ASH1L: variants seen among roughly 807,000 people sequenced by gnomAD.
ASH1L encodes histone-lysine N-methyltransferase ASH1L.
In ASH1L, 23 loss-of-function variants were observed where a neutral mutation model predicts 269.0. The observed-to-expected ratio is 0.09, with a 90% CI of 0.06 to 0.12. ASH1L has a LOEUF of 0.12. Among genes scored for constraint, ASH1L ranks in the 10% least tolerant of loss-of-function variants. The pLI is 1.00. For synonymous variants in ASH1L, 1,187 were observed against 1,253.5 expected, an observed-to-expected ratio of 0.95 and a Z score of 1.12; for missense variants, 2,912 against 3,567.8, an observed-to-expected ratio of 0.82 and a Z score of 4.68.
At chr1:155,433,102 C>A in intron 5 of ASH1L, 1 of 1,349,002 alleles carries the variant, frequency 7.4e-7, no homozygotes, top group South Asian at 1.5e-5. Context: ...ACAGAGATAC[C>A]AAAATAGACT....
chr1:155,542,118 G>A (rs781363533), intron 1 of ASH1L, among the ~76,000 whole-genome samples: 4 of 152,080 alleles, frequency 2.6e-5, no homozygotes, highest in Non-Finnish European at 5.9e-5. Context: ...TGTTAAAAAA[G>A]AGGGGGAGGG....
intron 1 of ASH1L, among the ~76,000 whole-genome samples, chr1:155,549,059 C>T (rs1356100945): frequency 2.6e-5 from 4 of 152,086 alleles, no homozygotes; most frequent in Non-Finnish European, 4.4e-5. Context: ...CTAAGCAACA[C>T]AGTATATTTA....
intron 2 of ASH1L, among the ~76,000 whole-genome samples, chr1:155,501,888 A>G (rs1039006108): frequency 1.3e-5 from 2 of 150,856 alleles, no homozygotes; most frequent in South Asian, 2.1e-4. Context: ...GTCTCGATCT[A>G]TTGACCTCAT....
At chr1:155,455,082 G>A (rs1300979070) in intron 4 of ASH1L, among the ~76,000 whole-genome samples, 1 of 152,058 alleles carries the variant, frequency 6.6e-6, no homozygotes, top group Non-Finnish European at 1.5e-5. Context: ...ATGGATTTGT[G>A]TCCTAATTAT....
chr1:155,513,468 G>A (rs71628669), intron 2 of ASH1L, among the ~76,000 whole-genome samples: 1 of 151,566 alleles, frequency 6.6e-6, no homozygotes, highest in Non-Finnish European at 1.5e-5. Context: ...CTACTCAAGA[G>A]GCTGAGATGG....
At chr1:155,455,070 C>A (rs538673483) in intron 4 of ASH1L, among the ~76,000 whole-genome samples, 15 of 152,188 alleles carry the variant, frequency 9.9e-5, no homozygotes, top group Admixed American at 9.2e-4. Context: ...GTGAAAATTA[C>A]CATGGATTTG....
rs1435278982 is a variant in ASH1L at position 155,343,261 on chromosome 1, G to A, written c.8293+53C>T. Reference sequence around the variant, plus strand: ...CTCCCACACCGCTGGGATTATCAGCGTGAGCCACTGCACTTGGCCGAGGTC... The same window carrying A: ...CTCCCACACCGCTGGGATTATCAGCATGAGCCACTGCACTTGGCCGAGGTC... On this transcript the variant is annotated intron_variant, in intron 24 of 27. Coordinates refer to ENST00000392403, the MANE Select transcript of ASH1L (RefSeq NM_018489.3). This position sits in a 1 kb window ranked among gnomAD's most constrained non-coding sequence, Gnocchi z 6.1. 29 of 1,564,330 alleles carry A rather than the reference G, an allele frequency of 1.9e-5. No homozygotes were observed. Among genetic ancestry groups the A allele is most frequent in the East Asian group, 6.7e-5 (3 of 44,536 alleles).
chr1:155,482,547 T>C (rs1436087421), intron 2 of ASH1L, 98 bp from the exon 3 acceptor site: 2 of 1,275,338 alleles, frequency 1.6e-6, no homozygotes, highest in Non-Finnish European at 2.2e-6. Flanking sequence ...ACATATCAGA[T>C]AAACAATAGG....
At chr1:155,372,684 T>C (rs1358199910) in intron 10 of ASH1L, among the ~76,000 whole-genome samples, 1 of 151,682 alleles carries the variant, frequency 6.6e-6, no homozygotes, top group African/African-American at 2.4e-5. Flanking sequence ...GATCACAGCC[T>C]ACTGTAGCCT....
intron 15 of ASH1L, among the ~76,000 whole-genome samples, chr1:155,356,707 C>A (rs1654422693): frequency 6.6e-6 from 1 of 151,280 alleles, no homozygotes; most frequent in South Asian, 2.1e-4. Flanking sequence ...GTCTTGAATT[C>A]CTGGGCTCAA....
chr1:155,386,436 G>A (rs975415054), intron 7 of ASH1L, among the ~76,000 whole-genome samples: 2 of 151,976 alleles, frequency 1.3e-5, no homozygotes, highest in Non-Finnish European at 2.9e-5. Context: ...TGCCTAGGCT[G>A]GAGTGGAGTG....
At position 155,347,728 on chromosome 1, in the gene ASH1L, G is replaced by A. The variant is rs763888241; in HGVS notation, c.7731C>T (p.Asp2577=). 17 of 1,614,122 alleles carry A rather than the reference G, an allele frequency of 1.1e-5. No homozygotes were observed. Among genetic ancestry groups the A allele is most frequent in the South Asian group, 2.2e-5 (2 of 91,082 alleles). Residue 2577 remains aspartate (D), a synonymous_variant, in exon 20 of 28, where the codon GAC becomes GAT. Coordinates refer to ENST00000392403, the MANE Select transcript of ASH1L (RefSeq NM_018489.3). ...CACAGATACAGCGAATAACATCGTC[G>A]TCCTTCTCATGCCCATTCTCCTTTT... is the stretch of plus-strand genomic sequence containing the variant. The part of the protein sequence containing the change: ...VSEKENGHEK[D]DDVIRCICGL...
intron 1 of ASH1L, among the ~76,000 whole-genome samples, chr1:155,549,773 T>G (rs986375978): frequency 6.6e-6 from 1 of 152,152 alleles, no homozygotes; most frequent in African/African-American, 2.4e-5. Flanking sequence ...GAGGGATGAC[T>G]GTATATCCAA....
chr1:155,521,381 C>T lies in ASH1L; in HGVS notation c.139G>A (p.Glu47Lys), dbSNP rs752098994. ...VELEKNTKEEEDLRKRNRERN... is the reference protein window; with the variant it reads ...VELEKNTKEEKDLRKRNRERN... Reference sequence around the variant, plus strand: ...TCTCGATTCCGTTTGCGAAGGTCCTCTTCCTCCTTTGTGTTTTTTTCTAGC... The same window carrying T: ...TCTCGATTCCGTTTGCGAAGGTCCTTTTCCTCCTTTGTGTTTTTTTCTAGC... Residue 47 changes from glutamate (E) to lysine (K), a missense_variant, in exon 2 of 28, where the codon GAG (glutamate) becomes AAG (lysine). By Grantham distance (56) the Glu-to-Lys change is moderately conservative (BLOSUM62 1). Transcript: ENST00000392403. 6.2e-7 allele frequency: 1 copy of T among 1,614,174 alleles called. No homozygotes were observed. Among genetic ancestry groups the T allele is most frequent in the South Asian group, 1.1e-5 (1 of 91,084 alleles).
rs4971080 is a variant in ASH1L, at chr1:155,484,938, A to C, written c.421-2489T>G. Among the ~76,000 whole-genome samples the C allele has an allele frequency of 3.9e-3, 527 of 135,072 alleles. 4 individuals are homozygous for C. Among genetic ancestry groups the C allele is most frequent in the Non-Finnish European group, 5.5e-3 (362 of 65,878 alleles). 88.6% of individuals were successfully genotyped at this position (135,072 alleles called of 152,430 possible). ...AGTGATGCTCTGTCTCAAAAAAAAAAAAAAACAAAAACAAAAACAAAAACA... is the reference window on the plus strand; with the variant it reads ...AGTGATGCTCTGTCTCAAAAAAAAACAAAAACAAAAACAAAAACAAAAACA... On this transcript the variant is annotated intron_variant, in intron 2 of 27. Coordinates refer to ENST00000392403, the MANE Select transcript of ASH1L (RefSeq NM_018489.3).
chr1:155,385,906 G>C (rs1657389164), intron 7 of ASH1L, among the ~76,000 whole-genome samples: 2 of 152,128 alleles, frequency 1.3e-5, no homozygotes, highest in South Asian at 4.2e-4. Flanking sequence ...TTTCCCAAGG[G>C]GTCTCCACTG....
In ASH1L at chr1:155,380,029, C is replaced by T. The variant is rs1441888396; in HGVS notation, c.6177+14G>A. ...CACTTAAGAATGAAACCTGGTAAAACAGGCTCTCTGTACCTGATTGTGTTT... is the reference window on the plus strand; with the variant it reads ...CACTTAAGAATGAAACCTGGTAAAATAGGCTCTCTGTACCTGATTGTGTTT... On this transcript the variant is annotated intron_variant, in intron 8 of 27. Coordinates refer to ENST00000392403, the MANE Select transcript of ASH1L (RefSeq NM_018489.3). 4 of 1,591,682 alleles carry T rather than the reference C, an allele frequency of 2.5e-6. No individual in the cohort carries two copies. Among genetic ancestry groups the T allele is most frequent in the Admixed American group, 1.7e-5 (1 of 59,284 alleles).
At chr1:155,465,725 T>TA (rs975813318) in intron 3 of ASH1L, among the ~76,000 whole-genome samples, 1 of 152,234 alleles carries the variant, frequency 6.6e-6, no homozygotes, top group Non-Finnish European at 1.5e-5. Flanking sequence ...GAATGTGTGT[T>TA]AAACAACGAC....
chr1:155,338,292 T>C lies in ASH1L; in HGVS notation c.8600A>G (p.Glu2867Gly). ...PLIEEVLASQEQAANEIPSLE... is the reference protein window; with the variant it reads ...PLIEEVLASQGQAANEIPSLE... ...GCTGGGTATCTCATTGGCTGCTTGCTCTTGACTGGCTAGAACCTCTTCAAT... is the reference window on the plus strand; with the variant it reads ...GCTGGGTATCTCATTGGCTGCTTGCCCTTGACTGGCTAGAACCTCTTCAAT... The change falls in exon 27 of 28, where the codon GAG becomes GGG. Residue 2867 changes from glutamate to glycine, a missense_variant. Physicochemically the swap from Glu to Gly is moderately conservative, Grantham distance 98. This residue lies in a region of ASH1L where 154 missense variants were observed against 165.0 expected (regional missense o/e 0.93). Coordinates refer to ENST00000392403, the MANE Select transcript of ASH1L (RefSeq NM_018489.3). 1 of 1,614,076 alleles carries C rather than the reference T, an allele frequency of 6.2e-7. No homozygotes were observed. Among genetic ancestry groups the C allele is most frequent in the Non-Finnish European group, 8.5e-7 (1 of 1,180,010 alleles).
Sources: gnomAD v4.1 joint callset for allele counts (sites outside exome capture counted in the v4.1 genomes callset) on GRCh38, gnomAD v4.1.1 for gene constraint, gnomAD v4.1.1 regional missense constraint, Gnocchi (gnomAD v3.1) non-coding constraint, MANE v1.5 for transcripts, NCBI Gene and HGNC (gene_info 2026-07-23, HGNC 2026-07-21) for gene names.